The following KCNU1 variants were observed in gnomAD, a reference collection of about 807,000 sequenced individuals.
KCNU1 encodes the protein potassium calcium-activated channel subfamily U member 1, also known as potassium channel subfamily U member 1.
KCNU1 carries 93 observed loss-of-function variants against 126.8 expected under a neutral mutation model. That is an observed-to-expected ratio of 0.73 (90% CI 0.62 to 0.87). KCNU1 has a LOEUF of 0.87. Ranked by LOEUF, KCNU1 falls within the 40% of genes least tolerant of loss-of-function variation. The probability of loss-of-function intolerance (pLI) is 0.00; values close to 1 mark genes in which losing one functional copy is unlikely to be tolerated. For synonymous variants in KCNU1, 523 were observed against 494.2 expected (o/e 1.06, Z -0.77); for missense variants, 1,330 against 1,367.1 (o/e 0.97, Z 0.43).
At chr8:36,864,697 C>T (rs1030310407) in intron 19 of KCNU1, among the ~76,000 whole-genome samples, 176 bp downstream of exon 19, 1 of 152,158 alleles carries the variant, frequency 6.6e-6, no homozygotes, top group African/African-American at 2.4e-5. Flanking sequence ...TAATCAAATA[C>T]ACCTCTTTCT....
At chr8:36,795,080 C>A (rs536781945) in intron 2 of KCNU1, among the ~76,000 whole-genome samples, 1 of 152,312 alleles carries the variant, frequency 6.6e-6, no homozygotes, top group South Asian at 2.1e-4. Context: ...GCAGGGAGAG[C>A]TAATTCTACC....
rs566919436 is a variant in KCNU1 at position 36,914,295 on chromosome 8, C to G, written c.2521+3176C>G. ...CCAGTGGCAATTTATCTCCTGAGGT[C>G]ACCTTATGATGGCTGGAGGCAGTTT... On this transcript the variant is annotated intron_variant, in intron 22 of 26. Transcript: ENST00000399881. 1.3e-5 allele frequency among the ~76,000 whole-genome samples: 2 copies of G among 152,318 alleles called. 1 individual carries two copies. The highest frequency in any genetic ancestry group is 4.1e-4 in the South Asian group (2 of 4,830).
chr8:36,826,788 A>C (rs762060157), intron 10 of KCNU1, among the ~76,000 whole-genome samples: 1 of 152,116 alleles, frequency 6.6e-6, no homozygotes, highest in Non-Finnish European at 1.5e-5. Flanking sequence ...AACTTGTGTC[A>C]TGAGGGTTTG....
At chr8:36,803,993 G>T in intron 2 of KCNU1, 34 bp from the exon 3 acceptor site, 1 of 1,411,982 alleles carries the variant, frequency 7.1e-7, no homozygotes, top group Admixed American at 2.0e-5. Context: ...AAATGAAGTG[G>T]ATTTAGACAT....
chr8:36,837,216 TGTTTTAAATCAAA>T (rs1804784177), intron 14 of KCNU1, among the ~76,000 whole-genome samples: 1 of 152,122 alleles, frequency 6.6e-6, no homozygotes, highest in African/African-American at 2.4e-5. Context: ...CAGTCCAGGA[TGTTTTAAATCAAA>T]GTACATTCAT....
intron 18 of KCNU1, among the ~76,000 whole-genome samples, chr8:36,848,867 A>G (rs953135607): frequency 6.6e-6 from 1 of 151,998 alleles, no homozygotes; most frequent in East Asian, 1.9e-4. Flanking sequence ...AACCTGAAGC[A>G]CTGTATATAT....
At chr8:36,787,245 A>G (rs1802738554) in intron 1 of KCNU1, 61 bp from the exon 2 acceptor site, 2 of 1,477,046 alleles carry the variant, frequency 1.4e-6, no homozygotes, top group South Asian at 1.3e-5. Flanking sequence ...CAACGTAAGT[A>G]GAACAGATTT....
Position 36,784,400 on chromosome 8 carries a change from A to C in KCNU1, c.-11A>C. 6.2e-7 allele frequency: 1 copy of C among 1,604,024 alleles called. No homozygotes were observed. The highest frequency in any genetic ancestry group is 2.2e-5 in the East Asian group (1 of 44,832). ...AATGACCTGGCAATTCCGTCTACTG[A>C]TGTCTCGAACATGTTTCAGACTAAG... On this transcript the variant is annotated 5_prime_UTR_variant, in exon 1 of 27. It removes an upstream start codon present in the reference 5' UTR. Transcript: ENST00000399881.
At chr8:36,925,169 A>C (rs1333564297) in intron 24 of KCNU1, among the ~76,000 whole-genome samples, 1 of 152,158 alleles carries the variant, frequency 6.6e-6, no homozygotes, top group Non-Finnish European at 1.5e-5. Context: ...TGGAAAACAA[A>C]ATGTGCTATA....
intron 25 of KCNU1, 43 bp from the exon 26 acceptor site, chr8:36,932,877 T>C: frequency 6.9e-6 from 8 of 1,160,002 alleles, no homozygotes; most frequent in Non-Finnish European, 1.0e-5. Context: ...AATTGCTTGA[T>C]CAAAGTGCCC....
chr8:36,864,849 A>G (rs1041001048), intron 19 of KCNU1, among the ~76,000 whole-genome samples: 9 of 152,106 alleles, frequency 5.9e-5, no homozygotes, highest in Admixed American at 2.0e-4. Flanking sequence ...TTGTTAATCA[A>G]TCCCCTATTT....
intron 2 of KCNU1, among the ~76,000 whole-genome samples, chr8:36,803,163 C>A (rs559593790): frequency 6.6e-6 from 1 of 152,194 alleles, no homozygotes; most frequent in South Asian, 2.1e-4. Flanking sequence ...GAATAAAAAC[C>A]TAGAAATGGT....
chr8:36,805,371 CT>C, intron 4 of KCNU1, 86 bp downstream of exon 4: 1 of 815,064 alleles, frequency 1.2e-6, no homozygotes, highest in African/African-American at 1.7e-5. Context: ...GTCCTACAAT[CT>C]GCCCGAGTTT....
rs1808843090 is a variant in KCNU1 at position 36,935,918 on chromosome 8, T to C, written c.3448T>C (p.Ter1150GlnextTer21). 2 of 1,571,354 alleles carry C rather than the reference T, an allele frequency of 1.3e-6. No homozygotes were observed. The highest frequency in any genetic ancestry group is 1.7e-6 in the Non-Finnish European group (2 of 1,159,968). The change falls in exon 27 of 27, where the codon TAG (stop) becomes CAG (glutamine). Residue 1150 changes from the stop codon to glutamine (Q), a stop_lost. Transcript: ENST00000399881. ...EDPFAYSEPL* is the reference protein window; with the variant it reads ...EDPFAYSEPLQ ...TCCCTTTGCATATTCAGAGCCACTA[T>C]AGACCTGCCCATATTCTTCACGTGC...
chr8:36,814,224 TC>T lies in KCNU1; in HGVS notation c.753del (p.Trp252GlyfsTer32). ...FIHLVENSGD[P>X]WLKGRNSQNI... ...TTGGACAGGTGGAAAATTCTGGTGA[TC>T]CCTGGCTCAAAGGTAGAAATTCACA... On this transcript the variant is annotated frameshift_variant, in exon 8 of 27. Coordinates refer to ENST00000399881, the MANE Select transcript of KCNU1 (RefSeq NM_001031836.3). LOFTEE classifies it high-confidence loss of function. 1 of 1,613,344 alleles carries T rather than the reference TC, an allele frequency of 6.2e-7. No individual in the cohort carries two copies. Among genetic ancestry groups the T allele is most frequent in the Non-Finnish European group, 8.5e-7 (1 of 1,179,478 alleles).
At chr8:36,811,835 G>A (rs1803728633) in intron 7 of KCNU1, among the ~76,000 whole-genome samples, 1 of 152,164 alleles carries the variant, frequency 6.6e-6, no homozygotes, top group Non-Finnish European at 1.5e-5. Flanking sequence ...GGGAGGCTGA[G>A]CCAGGTGCAT....
chr8:36,874,708 C>T (rs867509817), intron 19 of KCNU1, among the ~76,000 whole-genome samples: 5 of 152,128 alleles, frequency 3.3e-5, no homozygotes, highest in African/African-American at 9.7e-5. Context: ...TTAGCTTACC[C>T]AACACAATAT....
chr8:36,885,498 T>C (rs1246498114), intron 19 of KCNU1, among the ~76,000 whole-genome samples: 3 of 151,936 alleles, frequency 2.0e-5, no homozygotes, highest in South Asian at 2.1e-4. Flanking sequence ...GAGGTTGCAG[T>C]GTGTGAGATC....
At chr8:36,859,226 T>A (rs1294648420) in intron 18 of KCNU1, among the ~76,000 whole-genome samples, 1 of 152,186 alleles carries the variant, frequency 6.6e-6, no homozygotes, top group African/African-American at 2.4e-5. Context: ...TGATAACATA[T>A]GGGCATTCTC....
Sources: allele counts gnomAD v4.1 joint callset (sites outside exome capture counted in the v4.1 genomes callset), GRCh38; gene constraint gnomAD v4.1.1; transcripts MANE v1.5; gene names NCBI Gene and HGNC (gene_info 2026-07-23, HGNC 2026-07-21).